TSPOAP1: variants seen among roughly 807,000 people sequenced by gnomAD.
TSPOAP1 encodes TSPO associated protein 1, also known as peripheral-type benzodiazepine receptor-associated protein 1.
In TSPOAP1, 87 loss-of-function variants were observed where a neutral mutation model predicts 197.0. The ratio of observed to expected loss-of-function variants is 0.44; its 90% CI spans 0.37 to 0.53. The LOEUF (loss-of-function observed/expected upper bound fraction) is 0.53, where lower values mean the gene tolerates loss of function less well. Ranked by LOEUF, TSPOAP1 falls within the 20% of genes least tolerant of loss-of-function variation. The pLI is 0.00. For synonymous variants in TSPOAP1, 913 were observed against 998.9 expected (o/e 0.91, Z 1.62); for missense variants, 2,174 against 2,411.3 (o/e 0.90, Z 2.06).
chr17:58,305,053 T>C lies in TSPOAP1; in HGVS notation c.5544+8A>G. 1 of 1,610,968 alleles carries C rather than the reference T, an allele frequency of 6.2e-7. No individual in the cohort carries two copies. The highest frequency in any genetic ancestry group is 8.5e-7 in the Non-Finnish European group (1 of 1,177,248). The stretch of plus-strand genomic sequence containing the variant: ...CCTGCCAAGCTGGGAGCCCAGCTCC[T>C]CACTGACCTGACTCTCAGCCTGGGG... On this transcript the variant is annotated splice_region_variant and intron_variant, in intron 30 of 31. Transcript: ENST00000343736.
At chr17:58,303,620 T>C (rs1970783864) in intron 31 of TSPOAP1, 1 of 152,246 alleles carries the variant, frequency 6.6e-6, no homozygotes, top group South Asian at 2.1e-4. Context: ...TTGGGGTTAT[T>C]TATGGATTTG....
chr17:58,305,374 A>G lies in TSPOAP1; in HGVS notation c.5433+13T>C, dbSNP rs369935522. 1.2e-6 allele frequency: 2 copies of G among 1,613,774 alleles called. No individual in the cohort carries two copies. Among genetic ancestry groups the G allele is most frequent in the Middle Eastern group, 1.7e-4 (1 of 6,058 alleles). On this transcript the variant is annotated intron_variant, in intron 29 of 31. Coordinates refer to ENST00000343736, the MANE Select transcript of TSPOAP1 (RefSeq NM_004758.4). Reference sequence around the variant, plus strand: ...GCTGGGATATGGTACACCCTCCCCAACAATGTTCTCACATAGTAGAAACCG... The same window carrying G: ...GCTGGGATATGGTACACCCTCCCCAGCAATGTTCTCACATAGTAGAAACCG...
chr17:58,308,803 A>G lies in TSPOAP1; in HGVS notation c.4469T>C (p.Leu1490Pro), dbSNP rs147996224. Reference sequence around the variant, plus strand: ...GCTGATTTCCAAGCACTTGGGGGAAAGGCAGCTGGCCAGGCCAGGCTCCAG... The same window carrying G: ...GCTGATTTCCAAGCACTTGGGGGAAGGGCAGCTGGCCAGGCCAGGCTCCAG... ...RALEPGLASC[L>P]SPKCLEISIE... Residue 1490 changes from leucine to proline, a missense_variant, in exon 22 of 32, where the codon CTT (leucine) becomes CCT (proline). Transcript: ENST00000343736. The G allele has an allele frequency of 5.3e-4, 861 of 1,612,978 alleles. 3 individuals carry two copies. The African/African-American group carries it at 0.01, about 20-fold the overall frequency.
intron 16 of TSPOAP1, among the ~76,000 whole-genome samples, chr17:58,314,103 G>A (rs924253671): frequency 1.3e-5 from 2 of 152,170 alleles, no homozygotes; most frequent in South Asian, 2.1e-4. Context: ...TTAGGGGAGA[G>A]GGGTGAGTGT....
At chr17:58,308,270 C>T (rs149605778) in intron 22 of TSPOAP1, among the ~76,000 whole-genome samples, 56 of 152,364 alleles carry the variant, frequency 3.7e-4, no homozygotes, top group African/African-American at 1.3e-3. Context: ...GTCCTGAAGC[C>T]ATTACTAGCT....
chr17:58,312,382 C>A lies in TSPOAP1; in HGVS notation c.2439G>T (p.Pro813=), dbSNP rs375728263. ...LAHSVVLAWE[P]PPEQVELHGF... ...CGTGTAGCTCCACTTGCTCAGGAGG[C>A]GGCTCCCAGGCCAGCACCACGCTGT... Residue 813 remains proline, a synonymous_variant, in exon 17 of 32, where the codon CCG becomes CCT. Coordinates refer to ENST00000343736, the MANE Select transcript of TSPOAP1 (RefSeq NM_004758.4). The A allele has an allele frequency of 7.4e-6, 12 of 1,611,608 alleles. No individual in the cohort carries two copies. Among genetic ancestry groups the A allele is most frequent in the Non-Finnish European group, 1.0e-5 (12 of 1,178,992 alleles).
In TSPOAP1 at chr17:58,322,728, G is replaced by T; in HGVS notation, c.1243C>A (p.Gln415Lys). 1.9e-6 allele frequency: 3 copies of T among 1,612,870 alleles called. No individual in the cohort carries two copies. Among genetic ancestry groups the T allele is most frequent in the Non-Finnish European group, 2.5e-6 (3 of 1,180,004 alleles). The stretch of plus-strand genomic sequence containing the variant: ...TTGCGAAGGGCTGAGTCCCTCTCCT[G>T]TGTCACCCCCAGGAGCTGGCCCCTC... ...ELRGQLLGVTQERDSALRKSQ... is the reference protein window; with the variant it reads ...ELRGQLLGVTKERDSALRKSQ... Residue 415 changes from glutamine to lysine, a missense_variant, in exon 9 of 32, where the codon CAG becomes AAG. Physicochemically the swap from Gln to Lys is moderately conservative, Grantham distance 53. This residue lies in a region of TSPOAP1 where 1,933 missense variants were observed against 2,139.0 expected (regional missense o/e 0.90). Coordinates refer to ENST00000343736, the MANE Select transcript of TSPOAP1 (RefSeq NM_004758.4). This position sits in a 1 kb window ranked among gnomAD's most constrained non-coding sequence, Gnocchi z 5.0.
chr17:58,311,122 C>T lies in TSPOAP1; in HGVS notation c.3173G>A (p.Arg1058His), dbSNP rs372852606. ...LLQVCREVVVRTMSPHGESAD... is the reference protein window; with the variant it reads ...LLQVCREVVVHTMSPHGESAD... The stretch of plus-strand genomic sequence containing the variant: ...CGACTCCCCGTGGGGCGACATGGTG[C>T]GCACGACCACCTCACGACACACCTG... The change falls in exon 19 of 32, where the codon CGC (arginine) becomes CAC (histidine). Residue 1058 changes from arginine to histidine, a missense_variant. Arg to His is a conservative substitution (Grantham distance 29). This residue lies in a region of TSPOAP1 where 1,933 missense variants were observed against 2,139.0 expected (regional missense o/e 0.90). Transcript: ENST00000343736. 3.4e-5 allele frequency: 54 copies of T among 1,603,362 alleles called. No individual in the cohort carries two copies. The highest frequency in any genetic ancestry group is 6.7e-5 in the African/African-American group (5 of 74,654).
At position 58,326,568 on chromosome 17, in the gene TSPOAP1, A is replaced by G. The variant is rs1971618439; in HGVS notation, c.441+115T>C. On this transcript the variant is annotated intron_variant, in intron 2 of 31. Transcript: ENST00000343736. The surrounding 1 kb of genome is among the most constrained non-coding windows in gnomAD (Gnocchi z 4.7). The stretch of plus-strand genomic sequence containing the variant: ...GGGTTCACCCTCTCTGGGTCTCAGG[A>G]TTTTGTCACCTCCATTGAGCCCCCA... 1 of 1,531,600 alleles carries G rather than the reference A, an allele frequency of 6.5e-7. No homozygotes were observed. The highest frequency in any genetic ancestry group is 8.9e-7 in the Non-Finnish European group (1 of 1,122,796). The allele number at this position is 1,531,600 out of a possible 1,614,324, so 94.9% of individuals were successfully genotyped here. A position where few individuals can be genotyped will look rare whatever the true frequency, so the allele number is the denominator to read the frequency against.
chr17:58,322,302 C>A lies in TSPOAP1; in HGVS notation c.1422+6G>T, dbSNP rs759006984. ...AGCCTGCCAGCTTCCCTCACTGCCG[C>A]CCCACCTGCTGCAGTCTCCGGACCT... On this transcript the variant is annotated splice_donor_region_variant and intron_variant, in intron 10 of 31. Coordinates refer to ENST00000343736, the MANE Select transcript of TSPOAP1 (RefSeq NM_004758.4). This position sits in a 1 kb window ranked among gnomAD's most constrained non-coding sequence, Gnocchi z 5.0. 1.9e-6 allele frequency: 3 copies of A among 1,601,836 alleles called. No individual in the cohort carries two copies. The highest frequency in any genetic ancestry group is 8.5e-7 in the Non-Finnish European group (1 of 1,179,520).
Position 58,304,072 on chromosome 17 carries a change from A to G in TSPOAP1, c.*32+266T>C, listed in dbSNP as rs1194770894. 7 of 445,170 alleles carry G rather than the reference A, an allele frequency of 1.6e-5. No individual in the cohort carries two copies. The highest frequency in any genetic ancestry group is 3.8e-5 in the East Asian group (1 of 26,466). 27.6% of individuals were successfully genotyped at this position (445,170 alleles called of 1,614,324 possible). A position where few individuals can be genotyped will look rare whatever the true frequency, so the allele number is the denominator to read the frequency against. On this transcript the variant is annotated intron_variant, in intron 31 of 31. Coordinates refer to ENST00000343736, the MANE Select transcript of TSPOAP1 (RefSeq NM_004758.4). The surrounding 1 kb of genome is among the most constrained non-coding windows in gnomAD (Gnocchi z 4.2). The stretch of plus-strand genomic sequence containing the variant: ...CCACATGTGTTATAGAATAGGAAGC[A>G]TCAGCTAATATGGGACATCACACAC...
In TSPOAP1 at chr17:58,311,014, G is replaced by A. The variant is rs1598062456; in HGVS notation, c.3281C>T (p.Pro1094Leu). The A allele has an allele frequency of 6.3e-7, 1 of 1,597,548 alleles. No individual in the cohort carries two copies. The highest frequency in any genetic ancestry group is 1.7e-4 in the Middle Eastern group (1 of 5,718). The change falls in exon 19 of 32, where the codon CCA (proline) becomes CTA (leucine). Residue 1094 changes from proline (P) to leucine (L), a missense_variant. Pro to Leu is a moderately conservative substitution (Grantham distance 98). This residue lies in a region of TSPOAP1 where 1,933 missense variants were observed against 2,139.0 expected (regional missense o/e 0.90). Coordinates refer to ENST00000343736, the MANE Select transcript of TSPOAP1 (RefSeq NM_004758.4). ...AAGGGGCGCTCTGGCCTCTGGGCTT[G>A]GGTGCGGTGAGGGGCAGGAGACTCG... ...PARVSCPSPH[P>L]SPEARAPLAS...
At chr17:58,306,750 G>A (rs1395773793) in intron 25 of TSPOAP1, 50 bp downstream of exon 25, 2 of 1,576,084 alleles carry the variant, frequency 1.3e-6, no homozygotes, top group East Asian at 2.3e-5. Flanking sequence ...GTCAGGTGGA[G>A]TTGGAAGGGG....
At position 58,305,846 on chromosome 17, in the gene TSPOAP1, G is replaced by A. The variant is rs766233835; in HGVS notation, c.5244C>T (p.Ala1748=). Residue 1748 remains alanine, a synonymous_variant, in exon 27 of 32, where the codon GCC becomes GCT. Coordinates refer to ENST00000343736, the MANE Select transcript of TSPOAP1 (RefSeq NM_004758.4). ...ATATTCCTTCACCTGGACAGGGCTG[G>A]GCAGGGCCTTCCGACTCAGCTGTGG... ...RSKKAESEGP[A]QPCPGPPKLV... 7.4e-6 allele frequency: 12 copies of A among 1,612,758 alleles called. No individual in the cohort carries two copies. Among genetic ancestry groups the A allele is most frequent in the African/African-American group, 1.3e-5 (1 of 74,870 alleles).
At chr17:58,310,259 C>T in intron 20 of TSPOAP1, 101 bp from the exon 21 acceptor site, 1 of 1,308,526 alleles carries the variant, frequency 7.6e-7, no homozygotes, top group Non-Finnish European at 1.0e-6. Context: ...GGTCCTTTGG[C>T]AGAGGGAGAA....
chr17:58,320,648 C>G (rs781727751), intron 10 of TSPOAP1, 67 bp from the exon 11 acceptor site: 7 of 1,200,764 alleles, frequency 5.8e-6, no homozygotes, highest in Admixed American at 3.8e-5. Context: ...GAGAGGGCTG[C>G]GAGGGAGGAA....
intron 15 of TSPOAP1, 80 bp downstream of exon 15, chr17:58,316,345 G>A: frequency 1.5e-6 from 2 of 1,332,656 alleles, no homozygotes; most frequent in Non-Finnish European, 2.1e-6. Flanking sequence ...CACTTCCAGA[G>A]GTCTCCAGCT....
In TSPOAP1 at chr17:58,327,988, G is replaced by A; in HGVS notation, c.-68C>T. ...CCCAGCCAGGTGGGGGGACTGGCGA[G>A]GGTCATGCCAGGCCAGCCCCTCTCC... On this transcript the variant is annotated 5_prime_UTR_variant, in exon 1 of 32. Coordinates refer to ENST00000343736, the MANE Select transcript of TSPOAP1 (RefSeq NM_004758.4). The A allele has an allele frequency of 1.4e-6, 2 of 1,386,894 alleles. No individual in the cohort carries two copies. Among genetic ancestry groups the A allele is most frequent in the South Asian group, 2.7e-5 (2 of 74,016 alleles). 85.9% of individuals were successfully genotyped at this position (1,386,894 alleles called of 1,614,324 possible). A position where few individuals can be genotyped will look rare whatever the true frequency, so the allele number is the denominator to read the frequency against.
chr17:58,323,203 C>T, intron 7 of TSPOAP1, 95 bp downstream of exon 7: 1 of 1,505,026 alleles, frequency 6.6e-7, no homozygotes, highest in Non-Finnish European at 9.2e-7. Context: ...TTCTTGAGGG[C>T]AGCAGGGGTG....
Sources: allele counts gnomAD v4.1 joint callset (sites outside exome capture counted in the v4.1 genomes callset), GRCh38; gene constraint gnomAD v4.1.1; regional missense constraint gnomAD v4.1.1; non-coding constraint Gnocchi (gnomAD v3.1); transcripts MANE v1.5; gene names NCBI Gene and HGNC (gene_info 2026-07-23, HGNC 2026-07-21).